The following NBPF8 variants were observed in gnomAD, a reference collection of about 807,000 sequenced individuals.
The protein encoded by NBPF8 is NBPF family member NBPF8.
intron 21 of NBPF8, 105 bp downstream of exon 19, chr1:120,463,071 G>A (rs1314307328): frequency 2.4e-4 from 159 of 667,866 alleles, no homozygotes; most frequent in African/African-American, 9.6e-4. Context: ...TGTCATTGCC[G>A]CAGGCAGGAC....
At chr1:120,434,152 T>G (rs1660996443), upstream of NBPF8, 3 of 151,710 alleles carry the variant, frequency 2.0e-5, no homozygotes, top group Non-Finnish European at 4.4e-5. Context: ...GAGAGCTCGA[T>G]GCAGGTGCTG....
downstream of NBPF8, among the ~76,000 whole-genome samples, chr1:120,468,534 G>A (rs1253870924): frequency 0.012 from 1,868 of 149,880 alleles, 48 homozygotes; most frequent in African/African-American, 0.045. Context: ...TCTCATTGTG[G>A]GATTCGATTT....
rs1430966232 is a variant in NBPF8, at chr1:120,425,130, G to A, written n.270-617G>A. On this transcript the variant is annotated intron_variant and non_coding_transcript_variant, in intron 1 of 28. Transcript: ENST00000652355. ...GTGATAGTCTGAAATACAGCCTCGT[G>A]GGAAGGGAAAGACCTGACTGTCCCC... Among the ~76,000 whole-genome samples the A allele has an allele frequency of 1.2e-3, 177 of 151,976 alleles. 2 individuals are homozygous for A. Among genetic ancestry groups the A allele is most frequent in the Admixed American group, 4.3e-3 (66 of 15,278 alleles).
intron 22 of NBPF8, among the ~76,000 whole-genome samples, chr1:120,464,086 T>C (rs1330598324): frequency 2.0e-5 from 1 of 51,108 alleles, no homozygotes; most frequent in Admixed American, 1.7e-4. Flanking sequence ...CCCTCATCAG[T>C]GTGTCACCTG....
intron 12 of NBPF8, 52 bp from the exon 11 acceptor site, chr1:120,452,065 C>A: frequency 2.8e-6 from 4 of 1,407,438 alleles, no homozygotes; most frequent in Non-Finnish European, 4.0e-6. Flanking sequence ...AATATTTGAG[C>A]GGATCACTCA....
At chr1:120,434,235 T>C (rs1207924231), upstream of NBPF8, among the ~76,000 whole-genome samples, 1 of 147,906 alleles carries the variant, frequency 6.8e-6, no homozygotes, top group East Asian at 1.9e-4. Flanking sequence ...AAAATATATA[T>C]ATATAATATA....
chr1:120,428,682 G>A (rs1391754247), intron 3 of NBPF8, among the ~76,000 whole-genome samples: 4 of 152,062 alleles, frequency 2.6e-5, no homozygotes, highest in African/African-American at 7.2e-5. Flanking sequence ...GGGGCCATGC[G>A]GTCTGTGGTT....
chr1:120,452,551 G>T (rs1661311143), intron 13 of NBPF8, among the ~76,000 whole-genome samples: 1 of 152,084 alleles, frequency 6.6e-6, no homozygotes, highest in South Asian at 2.1e-4. Context: ...GATGGAAGGT[G>T]GTCTCTGGAG....
chr1:120,451,757 T>G (rs1279397267), intron 12 of NBPF8, among the ~76,000 whole-genome samples: 1 of 148,624 alleles, frequency 6.7e-6, no homozygotes, highest in Non-Finnish European at 1.5e-5. Flanking sequence ...TACATGGCTT[T>G]GTATCTAGTG....
At chr1:120,452,482 C>T (rs1417796149) in intron 13 of NBPF8, among the ~76,000 whole-genome samples, 151 bp downstream of exon 11, 36 of 151,512 alleles carry the variant, frequency 2.4e-4, no homozygotes, top group Non-Finnish European at 4.3e-4. Context: ...TGGGTAAGAA[C>T]GGAGATGGGA....
exon 15 of NBPF8, chr1:120,454,032 A>G: frequency 1.9e-6 from 3 of 1,612,850 alleles, no homozygotes; most frequent in Non-Finnish European, 2.5e-6. Flanking sequence ...CCAAAATCAC[A>G]TTTGAGGAAG....
chr1:120,416,633 A>T (rs1660443829), upstream of NBPF8, among the ~76,000 whole-genome samples: 1 of 131,234 alleles, frequency 7.6e-6, no homozygotes, highest in Non-Finnish European at 1.6e-5. Context: ...AAAAAAAAGT[A>T]CAGGTAATGA....
At chr1:120,465,991 C>G (rs1661735682) in exon 25 of NBPF8, 6 of 1,611,852 alleles carry the variant, frequency 3.7e-6, no homozygotes, top group Middle Eastern at 4.5e-4. Flanking sequence ...CAACAGCGTG[C>G]TGATGGAAGT....
intron 11 of NBPF8, among the ~76,000 whole-genome samples, chr1:120,450,007 T>C (rs1570937341): frequency 2.0e-5 from 3 of 151,990 alleles, no homozygotes; most frequent in Admixed American, 2.0e-4. Context: ...GGCGGGCAGA[T>C]CATCAGGTCA....
At chr1:120,436,592 T>A in exon 1 of NBPF8, 2 of 1,605,868 alleles carry the variant, frequency 1.2e-6, no homozygotes, top group Non-Finnish European at 8.5e-7. Flanking sequence ...CAACGAGAAA[T>A]TGCGCCCCCA....
chr1:120,415,286 C>G (rs1464455539), upstream of NBPF8, among the ~76,000 whole-genome samples: 2 of 152,020 alleles, frequency 1.3e-5, no homozygotes, highest in Admixed American at 6.5e-5. Flanking sequence ...GTGAAGGCGC[C>G]GCGCCAGGCC....
chr1:120,466,005 A>G (rs1221692354), exon 25 of NBPF8: 4 of 1,611,876 alleles, frequency 2.5e-6, no homozygotes, highest in Non-Finnish European at 2.5e-6. Flanking sequence ...TGGAAGTGGA[A>G]GAGCCTGAAG....
chr1:120,419,295 G>GA (rs1475205940), upstream of NBPF8, among the ~76,000 whole-genome samples: 1 of 152,174 alleles, frequency 6.6e-6, no homozygotes, highest in African/African-American at 2.4e-5. Context: ...AAAGCTCAGC[G>GA]AGACAGCCTG....
intron 12 of NBPF8, among the ~76,000 whole-genome samples, chr1:120,451,631 C>T (rs1661274558): frequency 6.9e-6 from 1 of 145,674 alleles, no homozygotes; most frequent in South Asian, 2.3e-4. Context: ...GAATCACCTC[C>T]TGACTGACTG....
Sources: gnomAD v4.1 joint callset for allele counts (sites outside exome capture counted in the v4.1 genomes callset) on GRCh38, gnomAD v4.1.1 for gene constraint, MANE v1.5 for transcripts, NCBI Gene and HGNC (gene_info 2026-07-23, HGNC 2026-07-21) for gene names.